The following ZDHHC11B variants were observed in gnomAD, a reference collection of about 807,000 sequenced individuals.
ZDHHC11B encodes probable palmitoyltransferase ZDHHC11B.
A neutral mutation model predicts 42.3 loss-of-function variants in ZDHHC11B; 17 were observed. The observed-to-expected ratio is 0.40, with a 90% CI of 0.27 to 0.60. The LOEUF (loss-of-function observed/expected upper bound fraction) is 0.60, where lower values mean the gene tolerates loss of function less well. Among genes scored for constraint, ZDHHC11B ranks in the 20% least tolerant of loss-of-function variants. The pLI is 0.41. For synonymous variants in ZDHHC11B, 123 were observed against 193.5 expected (o/e 0.64, Z 3.02); for missense variants, 262 against 463.2 (o/e 0.57, Z 3.99).
chr5:726,334 A>C (rs1742606036), intron 12 of ZDHHC11B, among the ~76,000 whole-genome samples: 1 of 150,742 alleles, frequency 6.6e-6, no homozygotes, highest in Admixed American at 6.6e-5. Flanking sequence ...TGAGTCTATA[A>C]GGTGGACCAG....
intron 4 of ZDHHC11B, among the ~76,000 whole-genome samples, chr5:762,362 G>A (rs1281362275): frequency 3.3e-5 from 5 of 151,902 alleles, no homozygotes; most frequent in African/African-American, 7.3e-5. Context: ...GCAAGATAGC[G>A]CCCAGGATGA....
At chr5:743,644 T>G (rs1422015413) in intron 9 of ZDHHC11B, among the ~76,000 whole-genome samples, 4 of 150,104 alleles carry the variant, frequency 2.7e-5, no homozygotes, top group Admixed American at 6.7e-5. Flanking sequence ...AAATTTATTC[T>G]TTTTTCATTA....
chr5:777,446 G>A (rs940760669), intron 1 of ZDHHC11B, among the ~76,000 whole-genome samples: 1 of 145,382 alleles, frequency 6.9e-6, no homozygotes, highest in African/African-American at 2.5e-5. Flanking sequence ...CCTGGTGAGT[G>A]CTACAGCTCA....
At chr5:724,333 G>C (rs1236393977) in intron 12 of ZDHHC11B, among the ~76,000 whole-genome samples, 1 of 148,738 alleles carries the variant, frequency 6.7e-6, no homozygotes, top group Non-Finnish European at 1.5e-5. Flanking sequence ...AGCCTCCCGA[G>C]GAATGGGATT....
rs1561106818 is a variant in ZDHHC11B, at chr5:711,821, C to CCAGTACTGTGCTCCCATTTCT, written c.*448_*468dup. 7 of 155,282 alleles carry CCAGTACTGTGCTCCCATTTCT rather than the reference C, an allele frequency of 4.5e-5. No individual in the cohort carries two copies. The highest frequency in any genetic ancestry group is 1.9e-4 in the East Asian group (1 of 5,256). 9.6% of individuals were successfully genotyped at this position (155,282 alleles called of 1,614,324 possible). On this transcript the variant is annotated 3_prime_UTR_variant, in exon 14 of 14. Coordinates refer to ENST00000508859, the MANE Select transcript of ZDHHC11B (RefSeq NM_001351303.2). ...TTTCCTAGTACTGTGCTACCATTTC[C>CCAGTACTGTGCTCCCATTTCT]CAGTACTGTGCTCCCATTTCTCAGT...
chr5:727,026 A>C (rs1158972748), intron 12 of ZDHHC11B, among the ~76,000 whole-genome samples: 1 of 131,810 alleles, frequency 7.6e-6, no homozygotes, highest in Non-Finnish European at 1.6e-5. Context: ...GTTGTGTGAA[A>C]GAGCATTTTC....
chr5:759,886 G>A lies in ZDHHC11B; in HGVS notation c.223-3742C>T, dbSNP rs139036680. ...CGGATAGCACAGGCACCCTCCAGCCGCCACAATGCAAAGCCACATGCTGCT... is the reference window on the plus strand; with the variant it reads ...CGGATAGCACAGGCACCCTCCAGCCACCACAATGCAAAGCCACATGCTGCT... On this transcript the variant is annotated intron_variant, in intron 4 of 13. Transcript: ENST00000508859. Among the ~76,000 whole-genome samples, 433 of 151,616 alleles carry A rather than the reference G, an allele frequency of 2.9e-3. 2 individuals carry two copies. Among genetic ancestry groups the A allele is most frequent in the African/African-American group, 9.3e-3 (382 of 41,130 alleles).
intron 1 of ZDHHC11B, among the ~76,000 whole-genome samples, chr5:774,849 G>A (rs1156566682): frequency 1.3e-5 from 2 of 151,924 alleles, no homozygotes; most frequent in African/African-American, 2.4e-5. Flanking sequence ...CTGTTTTAAA[G>A]ATAGCAGCAG....
At chr5:765,433 C>G (rs1735142117) in intron 4 of ZDHHC11B, among the ~76,000 whole-genome samples, 1 of 151,920 alleles carries the variant, frequency 6.6e-6, no homozygotes, top group Non-Finnish European at 1.5e-5. Flanking sequence ...ACTTTTGTGT[C>G]TAGCTTAGGG....
intron 9 of ZDHHC11B, among the ~76,000 whole-genome samples, chr5:744,138 T>C (rs1744477125): frequency 6.7e-6 from 1 of 149,946 alleles, no homozygotes; most frequent in South Asian, 2.2e-4. Context: ...AGTAATTGAT[T>C]CCTAGGCCTT....
rs1345936837 is a variant in ZDHHC11B, at chr5:710,405, T to A, written c.*1885A>T. ...TTAGAAAACTGATTATCTTTTAAAA[T>A]ATGACTACTAAACAGACTAAAACGC... is the stretch of plus-strand genomic sequence containing the variant. On this transcript the variant is annotated 3_prime_UTR_variant, in exon 14 of 14. Coordinates refer to ENST00000508859, the MANE Select transcript of ZDHHC11B (RefSeq NM_001351303.2). The A allele has an allele frequency of 2.0e-5, 3 of 153,484 alleles. No homozygotes were observed. Among genetic ancestry groups the A allele is most frequent in the African/African-American group, 4.8e-5 (2 of 41,402 alleles). 9.5% of individuals were successfully genotyped at this position (153,484 alleles called of 1,614,324 possible).
At chr5:722,107 C>A (rs182073877) in intron 12 of ZDHHC11B, among the ~76,000 whole-genome samples, 20 of 151,826 alleles carry the variant, frequency 1.3e-4, no homozygotes, top group African/African-American at 3.9e-4. Context: ...AAACTGAAAA[C>A]CCTTAGTAGA....
At chr5:771,711 C>T (rs1736066971) in intron 1 of ZDHHC11B, among the ~76,000 whole-genome samples, 1 of 151,674 alleles carries the variant, frequency 6.6e-6, no homozygotes, top group African/African-American at 2.4e-5. Context: ...TTACCAGAAG[C>T]AATGGTGGGT....
chr5:758,678 C>T (rs1734177299), intron 4 of ZDHHC11B, among the ~76,000 whole-genome samples: 1 of 151,682 alleles, frequency 6.6e-6, no homozygotes, highest in Non-Finnish European at 1.5e-5. Context: ...CAAGGGACTC[C>T]CCCCCACCAA....
intron 4 of ZDHHC11B, among the ~76,000 whole-genome samples, chr5:759,576 C>T (rs558133253): frequency 6.6e-6 from 1 of 152,118 alleles, no homozygotes; most frequent in East Asian, 1.9e-4. Flanking sequence ...ACAGGCCCTA[C>T]AGACGCTGTG....
intron 4 of ZDHHC11B, among the ~76,000 whole-genome samples, chr5:762,125 C>A (rs1327201208): frequency 6.6e-6 from 1 of 151,550 alleles, no homozygotes; most frequent in African/African-American, 2.4e-5. Context: ...ACTCCCAGCC[C>A]CAGACGGCCA....
At chr5:745,493 G>A (rs1215236871) in intron 8 of ZDHHC11B, among the ~76,000 whole-genome samples, 195 bp from the exon 9 acceptor site, 1 of 149,950 alleles carries the variant, frequency 6.7e-6, no homozygotes, top group Non-Finnish European at 1.5e-5. Context: ...GCAGCTAGCT[G>A]ATGGTCAGCA....
chr5:716,949 A>C (rs745871896), intron 12 of ZDHHC11B, 84 bp from the exon 13 acceptor site: 12 of 1,589,992 alleles, frequency 7.5e-6, no homozygotes, highest in Non-Finnish European at 1.0e-5. Flanking sequence ...AAAATGTGTA[A>C]ACAAGAGTAC....
rs567356957 is a variant in ZDHHC11B, at chr5:732,611, C to A, written c.1023+1141G>T. 166 of 448,702 alleles carry A rather than the reference C, an allele frequency of 3.7e-4. 8 individuals carry two copies. Among genetic ancestry groups the A allele is most frequent in the African/African-American group, 2.7e-3 (136 of 49,622 alleles). 27.8% of individuals were successfully genotyped at this position (448,702 alleles called of 1,614,324 possible). On this transcript the variant is annotated intron_variant, in intron 11 of 13. Coordinates refer to ENST00000508859, the MANE Select transcript of ZDHHC11B (RefSeq NM_001351303.2). ...CAGGTTGGGTGATCCATTTTCATTTCCAAGTCACAGGAGCCTGTTCCCTGA... is the reference window on the plus strand; with the variant it reads ...CAGGTTGGGTGATCCATTTTCATTTACAAGTCACAGGAGCCTGTTCCCTGA...
Sources: allele counts gnomAD v4.1 joint callset (sites outside exome capture counted in the v4.1 genomes callset), GRCh38; gene constraint gnomAD v4.1.1; transcripts MANE v1.5; gene names NCBI Gene and HGNC (gene_info 2026-07-23, HGNC 2026-07-21).